The following CPAMD8 variants were observed in gnomAD, a reference collection of about 807,000 sequenced individuals.
The protein encoded by CPAMD8 is C3 and PZP like alpha-2-macroglobulin domain containing 8, also known as C3 and PZP-like alpha-2-macroglobulin domain-containing protein 8.
CPAMD8 carries 146 observed loss-of-function variants against 224.7 expected under a neutral mutation model. That is an observed-to-expected ratio of 0.65 (90% confidence interval 0.57 to 0.75). The LOEUF (loss-of-function observed/expected upper bound fraction) is 0.75. Among genes scored for constraint, CPAMD8 ranks in the 30% least tolerant of loss-of-function variants. The probability of loss-of-function intolerance (pLI) is 0.00; values close to 1 mark genes in which losing one functional copy is unlikely to be tolerated. For missense variants in CPAMD8, 2,301 were observed against 2,537.5 expected, an observed-to-expected ratio of 0.91 and a Z score of 2.00; for synonymous variants, 966 against 1,044.6, an observed-to-expected ratio of 0.92 and a Z score of 1.45.
chr19:17,022,531 C>CTCTG (rs2056987172), intron 1 of CPAMD8, among the ~76,000 whole-genome samples: 1 of 150,996 alleles, frequency 6.6e-6, no homozygotes, highest in African/African-American at 2.4e-5. Flanking sequence ...CAGAGTGTTG[C>CTCTG]TCTGTCCCCC....
intron 23 of CPAMD8, among the ~76,000 whole-genome samples, chr19:16,935,733 A>C (rs759683718): frequency 6.6e-6 from 1 of 152,200 alleles, no homozygotes; most frequent in East Asian, 1.9e-4. Flanking sequence ...TTGTGTGAAC[A>C]TAAGTCTTTG....
chr19:16,969,660 A>C (rs1267085920), intron 18 of CPAMD8, among the ~76,000 whole-genome samples: 2 of 152,010 alleles, frequency 1.3e-5, no homozygotes, highest in Non-Finnish European at 2.9e-5. Context: ...CAGGCAAATC[A>C]CTTGAGGCCA....
chr19:16,902,700 G>A lies in CPAMD8; in HGVS notation c.4634C>T (p.Ala1545Val), dbSNP rs747033120. The change falls in exon 35 of 42, where the codon GCG becomes GTG. Residue 1545 changes from alanine to valine, a missense_variant. Physicochemically the swap from Ala to Val is moderately conservative, Grantham distance 64 (BLOSUM62 0). This residue lies in a region of CPAMD8 where 1,709 missense variants were observed against 1,753.2 expected (regional missense o/e 0.97). Transcript: ENST00000443236. ...DWPPADDDDPAADQHHQEYKV... is the reference protein window; with the variant it reads ...DWPPADDDDPVADQHHQEYKV... ...GTATTCCTGGTGATGCTGATCGGCC[G>A]CTGGGTCATCATCGTCAGCTGGGGG... is the stretch of plus-strand genomic sequence containing the variant. 8 of 1,608,312 alleles carry A rather than the reference G, an allele frequency of 5.0e-6. 1 individual carries two copies. The highest frequency in any genetic ancestry group is 1.3e-5 in the African/African-American group (1 of 74,746).
rs1031804229 is a variant in CPAMD8 at position 16,898,849 on chromosome 19, G to C, written c.4848+626C>G. On this transcript the variant is annotated intron_variant, in intron 37 of 41. Transcript: ENST00000443236. The surrounding 1 kb of genome is among the most constrained non-coding windows in gnomAD (Gnocchi z 4.2). ...CTGCTTTTTCTACCAACTGCCATCA[G>C]CCGAGGGCACAGAGCTGTCAGCATG... 3.3e-5 allele frequency among the ~76,000 whole-genome samples: 5 copies of C among 152,054 alleles called. No homozygotes were observed. The highest frequency in any genetic ancestry group is 3.2e-3 in the Middle Eastern group (1 of 316).
At position 16,928,952 on chromosome 19, in the gene CPAMD8, C is replaced by T. The variant is rs2053459659; in HGVS notation, c.3134G>A (p.Gly1045Asp). 6.2e-7 allele frequency: 1 copy of T among 1,603,568 alleles called. No individual in the cohort carries two copies. Among genetic ancestry groups the T allele is most frequent in the Non-Finnish European group, 8.5e-7 (1 of 1,174,032 alleles). Residue 1045 changes from glycine (G) to aspartate (D), a missense_variant, in exon 24 of 42, where the codon GGC (glycine) becomes GAC (aspartate). Gly to Asp is a moderately conservative substitution (Grantham distance 94). Transcript: ENST00000443236. ...AGTTCTGCTGTATACCTGGATAAGG[C>T]CACCACGCCAGCTGATCCAGAATGT... ...FRTFWISWRG[G>D]LIQVGHGPEP... is the part of the protein sequence containing the mutation.
At chr19:16,919,771 A>G (rs2053099099) in intron 27 of CPAMD8, among the ~76,000 whole-genome samples, 1 of 152,212 alleles carries the variant, frequency 6.6e-6, no homozygotes, top group Non-Finnish European at 1.5e-5. Context: ...CTCAATGAAT[A>G]AATGAATGAA....
chr19:16,980,457 G>A, intron 14 of CPAMD8, 40 bp downstream of exon 14: 1 of 1,589,464 alleles, frequency 6.3e-7, no homozygotes, highest in Non-Finnish European at 8.6e-7. Flanking sequence ...CAATTGTTCA[G>A]AAGGAAGAAC....
chr19:16,956,388 T>G (rs895990756), intron 19 of CPAMD8, among the ~76,000 whole-genome samples: 1 of 152,172 alleles, frequency 6.6e-6, no homozygotes, highest in Non-Finnish European at 1.5e-5. Context: ...CATCTTTCTC[T>G]GCCTCCCAAG....
Position 16,971,865 on chromosome 19 carries a change from G to A in CPAMD8, c.2071-832C>T, listed in dbSNP as rs527472484. Among the ~76,000 whole-genome samples, 4 of 152,096 alleles carry A rather than the reference G, an allele frequency of 2.6e-5. No homozygotes were observed. The East Asian group carries it at 5.8e-4, about 22-fold the overall frequency. On this transcript the variant is annotated intron_variant, in intron 17 of 41. Transcript: ENST00000443236. The stretch of plus-strand genomic sequence containing the variant: ...AGTTCAACACCAGCCTGGCCAACAC[G>A]GTGAAACCCCATCTCTACTAAAAAT...
intron 11 of CPAMD8, among the ~76,000 whole-genome samples, chr19:16,995,702 A>G (rs1451353716): frequency 6.6e-6 from 1 of 152,106 alleles, no homozygotes; most frequent in Admixed American, 6.5e-5. Context: ...TGCCCAGCCT[A>G]CCCCAGTTTA....
At chr19:16,911,050 G>T (rs1180451158) in intron 29 of CPAMD8, among the ~76,000 whole-genome samples, 1 of 152,182 alleles carries the variant, frequency 6.6e-6, no homozygotes, top group East Asian at 1.9e-4. Flanking sequence ...AATTTGTTAT[G>T]GCAGCCACAG....
chr19:17,004,986 C>T (rs2056446061), intron 7 of CPAMD8, among the ~76,000 whole-genome samples: 1 of 149,308 alleles, frequency 6.7e-6, no homozygotes, highest in African/African-American at 2.5e-5. Context: ...GAGAGAGAAA[C>T]AGACAAGACA....
intron 3 of CPAMD8, among the ~76,000 whole-genome samples, chr19:17,016,480 G>C (rs1278715000): frequency 6.6e-6 from 1 of 152,170 alleles, no homozygotes; most frequent in Admixed American, 6.6e-5. Context: ...GCAGATCTAG[G>C]CTGGGTGCAG....
At chr19:16,977,984 A>G (rs1019820017) in intron 14 of CPAMD8, among the ~76,000 whole-genome samples, 1 of 152,058 alleles carries the variant, frequency 6.6e-6, no homozygotes, top group Non-Finnish European at 1.5e-5. Flanking sequence ...TTATTTGCTG[A>G]CTTGAACCGA....
chr19:16,893,760 C>T (rs746751858), intron 41 of CPAMD8: 24 of 172,992 alleles, frequency 1.4e-4, no homozygotes, highest in Non-Finnish European at 2.0e-4. Context: ...CACCCAGCCC[C>T]GGCAGCCGGA....
chr19:16,971,028 C>T lies in CPAMD8; in HGVS notation c.2076G>A (p.Thr692=), dbSNP rs572572929. Reference sequence around the variant, plus strand: ...CTCGGTCGGTCATCACCACCAGTCCCGTTTCCTAGGCAACAGACAACACCC... The same window carrying T: ...CTCGGTCGGTCATCACCACCAGTCCTGTTTCCTAGGCAACAGACAACACCC... The part of the protein sequence containing the change: ...TKDSGFAFTE[T]GLVVMTDRVS... The change falls in exon 18 of 42, where the codon ACG becomes ACA. Residue 692 remains threonine, a synonymous_variant. Coordinates refer to ENST00000443236, the MANE Select transcript of CPAMD8 (RefSeq NM_015692.5). 2.4e-5 allele frequency: 38 copies of T among 1,601,078 alleles called. No individual in the cohort carries two copies. The highest frequency in any genetic ancestry group is 9.0e-5 in the East Asian group (4 of 44,402).
At chr19:16,949,080 G>A (rs1461461711) in intron 20 of CPAMD8, among the ~76,000 whole-genome samples, 2 of 151,430 alleles carry the variant, frequency 1.3e-5, no homozygotes. Flanking sequence ...AAGGAAGGGA[G>A]GAAGGAAGGA....
chr19:16,957,794 C>T (rs945899443), intron 19 of CPAMD8, 59 bp downstream of exon 19: 9 of 1,550,654 alleles, frequency 5.8e-6, no homozygotes, highest in South Asian at 1.1e-5. Context: ...TCTCTGGACC[C>T]GCATGAGTGT....
chr19:16,945,729 G>C (rs1473070522), intron 21 of CPAMD8, 50 bp from the exon 22 acceptor site: 5 of 1,585,822 alleles, frequency 3.2e-6, no homozygotes, highest in African/African-American at 1.3e-5. Context: ...ACCCAAGATG[G>C]GGGCTGTCCC....
Sources: gnomAD v4.1 joint callset for allele counts (sites outside exome capture counted in the v4.1 genomes callset) on GRCh38, gnomAD v4.1.1 for gene constraint, gnomAD v4.1.1 regional missense constraint, Gnocchi (gnomAD v3.1) non-coding constraint, MANE v1.5 for transcripts, NCBI Gene and HGNC (gene_info 2026-07-23, HGNC 2026-07-21) for gene names.